Variants in POLR1D observed in about 807,000 individuals in gnomAD.
POLR1D encodes DNA-directed RNA polymerases I and III subunit RPAC2.
POLR1D carries 8 observed loss-of-function variants against 10.8 expected under a neutral mutation model. The ratio of observed to expected loss-of-function variants is 0.74; its 90% CI spans 0.43 to 1.33. The LOEUF is 1.33. POLR1D is among the 40% of genes most tolerant of loss of function. The pLI, the probability that POLR1D is intolerant of heterozygous loss-of-function variation, is 0.01. For missense variants in POLR1D, 152 were observed against 161.7 expected (o/e 0.94, Z 0.32); for synonymous variants, 54 against 57.2 (o/e 0.94, Z 0.25).
intron 1 of POLR1D, among the ~76,000 whole-genome samples, chr13:27,634,323 AC>A (rs1219123834): frequency 1.3e-5 from 2 of 152,166 alleles, no homozygotes; most frequent in Non-Finnish European, 2.9e-5. Flanking sequence ...TGCTGCCCAG[AC>A]TTGTAGCAAG....
chr13:27,630,073 G>A (rs1049493357), intron 1 of POLR1D, among the ~76,000 whole-genome samples: 14 of 152,116 alleles, frequency 9.2e-5, no homozygotes, highest in East Asian at 3.9e-4. Flanking sequence ...CACCAGGCCC[G>A]GCTAATTTTT....
rs569969671 is a variant in POLR1D at position 27,637,302 on chromosome 13, A to G, written c.27-11077A>G. ...GCTGCTTCCTTCCTTCCTTTCAGTTAATCTCTGCAGCCTTTCTAGTGGTTC... is the reference window on the plus strand; with the variant it reads ...GCTGCTTCCTTCCTTCCTTTCAGTTGATCTCTGCAGCCTTTCTAGTGGTTC... On this transcript the variant is annotated intron_variant, in intron 1 of 2. Coordinates refer to the POLR1D transcript ENST00000399697. 1.5e-3 allele frequency among the ~76,000 whole-genome samples: 235 copies of G among 152,272 alleles called. 1 individual carries two copies. Among genetic ancestry groups the G allele is most frequent in the African/African-American group, 5.4e-3 (226 of 41,546 alleles).
At chr13:27,656,515 T>C (rs1956309574) in intron 2 of POLR1D, among the ~76,000 whole-genome samples, 1 of 152,196 alleles carries the variant, frequency 6.6e-6, no homozygotes, top group African/African-American at 2.4e-5. Context: ...ATTTATAATC[T>C]AATGGGGGTG....
At chr13:27,625,677 G>A (rs866001613), downstream of POLR1D, among the ~76,000 whole-genome samples, 8 of 151,958 alleles carry the variant, frequency 5.3e-5, no homozygotes, top group Non-Finnish European at 1.0e-4. Context: ...AAAAAATAGA[G>A]GGTGACAAAG....
intron 1 of POLR1D, among the ~76,000 whole-genome samples, chr13:27,633,161 A>G (rs1566144653): frequency 6.6e-6 from 1 of 152,178 alleles, no homozygotes; most frequent in Non-Finnish European, 1.5e-5. Context: ...AGTAGGAACC[A>G]AGCAGATCTG....
At chr13:27,657,077 CAGTG>C (rs1435551968) in intron 2 of POLR1D, among the ~76,000 whole-genome samples, 2 of 152,332 alleles carry the variant, frequency 1.3e-5, no homozygotes, top group South Asian at 2.1e-4. Context: ...GGCCTCCTAA[CAGTG>C]AGCACTAAGG....
intron 1 of POLR1D, among the ~76,000 whole-genome samples, chr13:27,646,414 A>G (rs1956220985): frequency 1.3e-5 from 2 of 152,214 alleles, no homozygotes; most frequent in Non-Finnish European, 2.9e-5. Flanking sequence ...AGCAGGCCAT[A>G]TCATTATTCT....
intron 2 of POLR1D, among the ~76,000 whole-genome samples, chr13:27,652,911 C>CTT (rs71083685): frequency 0.048 from 4,323 of 89,282 alleles, 644 homozygotes; most frequent in African/African-American, 0.11. Flanking sequence ...TTTACCATTT[C>CTT]TTTTTTTTTT....
intron 2 of POLR1D, among the ~76,000 whole-genome samples, chr13:27,653,426 G>C (rs1956284035): frequency 6.6e-6 from 1 of 152,188 alleles, no homozygotes; most frequent in Non-Finnish European, 1.5e-5. Flanking sequence ...GTAAATAAAA[G>C]ATGGCAGGCA....
At chr13:27,626,672 T>C (rs918723329), downstream of POLR1D, among the ~76,000 whole-genome samples, 1 of 152,226 alleles carries the variant, frequency 6.6e-6, no homozygotes, top group Non-Finnish European at 1.5e-5. Context: ...CTCATGCCAG[T>C]GATTCAAGAT....
At chr13:27,622,503 T>C in intron 1 of POLR1D, 1 of 301,142 alleles carries the variant, frequency 3.3e-6, no homozygotes, top group Non-Finnish European at 6.2e-6. Context: ...ATTTTTATAC[T>C]AGAGCAATCG....
chr13:27,629,375 G>A (rs775033650), intron 1 of POLR1D, among the ~76,000 whole-genome samples: 9 of 152,160 alleles, frequency 5.9e-5, no homozygotes, highest in Non-Finnish European at 1.0e-4. Context: ...GATGTTACAA[G>A]TGTTAATTTA....
chr13:27,631,656 T>C (rs1261559470), intron 1 of POLR1D, among the ~76,000 whole-genome samples: 1 of 152,216 alleles, frequency 6.6e-6, no homozygotes, highest in Admixed American at 6.5e-5. Context: ...TATCTATTTA[T>C]TGTCTAACTC....
At chr13:27,628,684 CTG>C (rs576440857) in intron 1 of POLR1D, among the ~76,000 whole-genome samples, 210 of 152,190 alleles carry the variant, frequency 1.4e-3, no homozygotes, top group Middle Eastern at 3.4e-3. Context: ...TGTTTTTAAT[CTG>C]TATATGTATT....
At chr13:27,658,622 T>C (rs1020928475) in intron 2 of POLR1D, among the ~76,000 whole-genome samples, 1 of 152,182 alleles carries the variant, frequency 6.6e-6, no homozygotes, top group African/African-American at 2.4e-5. Context: ...CTAAAGAAAA[T>C]GCAAGTGGGA....
downstream of POLR1D, among the ~76,000 whole-genome samples, chr13:27,627,638 A>G (rs1470454005): frequency 1.3e-5 from 2 of 151,788 alleles, no homozygotes; most frequent in Non-Finnish European, 2.9e-5. Context: ...TTGGCGGCTT[A>G]TGATTAATAA....
upstream of POLR1D, chr13:27,621,358 C>T (rs2232669): frequency 0.1 from 15,810 of 152,468 alleles, 890 homozygotes; most frequent in Middle Eastern, 0.18. Context: ...ACTGCAAGCT[C>T]CCCGGTGAAA....
chr13:27,651,901 G>C (rs1407856638), intron 2 of POLR1D, among the ~76,000 whole-genome samples: 1 of 152,224 alleles, frequency 6.6e-6, no homozygotes, highest in African/African-American at 2.4e-5. Context: ...AAAACACCCA[G>C]CATGGTTCCT....
chr13:27,652,642 G>A lies in POLR1D; in HGVS notation c.101+4189G>A, dbSNP rs538051257. ...TCCCAGCACTTTGGGAGGCCGAGGTGGGCGGATCACTTGAGTCAGGAGTTT... is the reference window on the plus strand; with the variant it reads ...TCCCAGCACTTTGGGAGGCCGAGGTAGGCGGATCACTTGAGTCAGGAGTTT... On this transcript the variant is annotated intron_variant, in intron 2 of 2. Transcript: ENST00000399697. 8.0e-4 allele frequency among the ~76,000 whole-genome samples: 67 copies of A among 84,182 alleles called. No homozygotes were observed. The South Asian group carries it at 0.03, about 38-fold the overall frequency. The allele number at this position is 84,182 out of a possible 152,430, so 55.2% of individuals were successfully genotyped here.
Sources: allele counts gnomAD v4.1 joint callset (sites outside exome capture counted in the v4.1 genomes callset), GRCh38; gene constraint gnomAD v4.1.1; transcripts MANE v1.5; gene names NCBI Gene and HGNC (gene_info 2026-07-23, HGNC 2026-07-21).